CNST: variants seen among roughly 807,000 people sequenced by gnomAD.
CNST encodes the protein consortin.
A neutral mutation model predicts 72.4 loss-of-function variants in CNST; 39 were observed. The observed-to-expected ratio is 0.54, with a 90% confidence interval of 0.42 to 0.70. The LOEUF (loss-of-function observed/expected upper bound fraction) is 0.70. Among genes scored for constraint, CNST ranks in the 30% least tolerant of loss-of-function variants. The probability of loss-of-function intolerance (pLI) is 0.00; values close to 1 mark genes in which losing one functional copy is unlikely to be tolerated. For synonymous variants in CNST, 332 were observed against 320.1 expected (o/e 1.04, Z -0.40); for missense variants, 871 against 868.5 (o/e 1.00, Z -0.04).
At chr1:246,634,845 C>G (rs1303351144) in intron 6 of CNST, among the ~76,000 whole-genome samples, 9 of 152,136 alleles carry the variant, frequency 5.9e-5, no homozygotes, top group Non-Finnish European at 7.3e-5. Context: ...GCGTCAGCGC[C>G]ACGTGAGGAC....
At chr1:246,572,601 T>C (rs12060852) in intron 1 of CNST, among the ~76,000 whole-genome samples, 34,074 of 152,166 alleles carry the variant, frequency 0.22, 4,556 homozygotes, top group Admixed American at 0.31. Flanking sequence ...TCCTCCTGCC[T>C]TGACTTCCCA....
intron 9 of CNST, among the ~76,000 whole-genome samples, chr1:246,651,693 A>G (rs1488770897): frequency 6.6e-6 from 1 of 152,242 alleles, no homozygotes; most frequent in African/African-American, 2.4e-5. Flanking sequence ...GTAATTTGCT[A>G]TGTAAAGTGA....
intron 9 of CNST, among the ~76,000 whole-genome samples, chr1:246,649,537 T>C (rs1666334917): frequency 6.6e-6 from 1 of 152,168 alleles, no homozygotes; most frequent in African/African-American, 2.4e-5. Context: ...CTGACTGTCC[T>C]TTCTCATGCC....
chr1:246,595,901 C>T (rs1350592129), intron 2 of CNST, among the ~76,000 whole-genome samples: 2 of 152,150 alleles, frequency 1.3e-5, no homozygotes, highest in Non-Finnish European at 1.5e-5. Context: ...GGACTCTTGT[C>T]ACTAATAGTC....
chr1:246,633,835 A>G, intron 4 of CNST, 89 bp from the exon 5 acceptor site: 1 of 800,590 alleles, frequency 1.2e-6, no homozygotes, highest in Non-Finnish European at 2.1e-6. Context: ...TAAGCTGCAA[A>G]TTTCTCAACA....
At chr1:246,616,134 T>A (rs1259760158) in intron 2 of CNST, among the ~76,000 whole-genome samples, 1 of 152,220 alleles carries the variant, frequency 6.6e-6, no homozygotes. Flanking sequence ...GATTCATATG[T>A]GGCAGCAGAA....
intron 9 of CNST, among the ~76,000 whole-genome samples, chr1:246,649,395 T>C (rs564985825): frequency 6.6e-6 from 1 of 152,346 alleles, no homozygotes; most frequent in Non-Finnish European, 1.5e-5. Flanking sequence ...AAATTAGAGC[T>C]AATGGTATAG....
Position 246,647,581 on chromosome 1 carries a change from C to T in CNST, c.1380C>T (p.Leu460=). ...ATTCACAGGCTCAGAGGAAAGAACT[C>T]CGTTTGCCACTTCGGGATGCTTCTG... is the stretch of plus-strand genomic sequence containing the variant. ...GKYSQAQRKE[L]RLPLRDASEA... The change falls in exon 9 of 11, where the codon CTC becomes CTT. Residue 460 remains leucine, a synonymous_variant. Coordinates refer to ENST00000366513, the MANE Select transcript of CNST (RefSeq NM_152609.3). The T allele has an allele frequency of 2.5e-6, 4 of 1,614,182 alleles. No individual in the cohort carries two copies. Among genetic ancestry groups the T allele is most frequent in the Non-Finnish European group, 3.4e-6 (4 of 1,180,044 alleles).
intron 2 of CNST, among the ~76,000 whole-genome samples, chr1:246,594,585 C>T (rs1381384939): frequency 6.6e-6 from 1 of 152,048 alleles, no homozygotes; most frequent in Non-Finnish European, 1.5e-5. Flanking sequence ...GCCTGGCCAA[C>T]ATGGTGAAAC....
At position 246,580,990 on chromosome 1, in the gene CNST, T is replaced by C. The variant is rs150182523; in HGVS notation, c.-51-10522T>C. ...CTGACCTCAAGTGATCCCCCCACCT[T>C]GGCTTCCCAAAGTGCTGGGATTACA... On this transcript the variant is annotated intron_variant, in intron 1 of 10. Transcript: ENST00000366513. 4.4e-3 allele frequency among the ~76,000 whole-genome samples: 664 copies of C among 152,194 alleles called. 3 individuals are homozygous for C. The highest frequency in any genetic ancestry group is 0.015 in the African/African-American group (638 of 41,538).
chr1:246,570,950 C>T (rs1660032005), intron 1 of CNST, among the ~76,000 whole-genome samples: 1 of 152,038 alleles, frequency 6.6e-6, no homozygotes, highest in East Asian at 1.9e-4. Context: ...GTTATGTAAC[C>T]TTTCCAGTTT....
chr1:246,644,489 C>T (rs945612282), intron 8 of CNST, among the ~76,000 whole-genome samples: 15 of 151,972 alleles, frequency 9.9e-5, no homozygotes, highest in African/African-American at 3.6e-4. Flanking sequence ...TCACTGTACT[C>T]AAAGCTCTTC....
chr1:246,600,268 A>G (rs1026927498), intron 2 of CNST, among the ~76,000 whole-genome samples: 12 of 152,268 alleles, frequency 7.9e-5, no homozygotes, highest in African/African-American at 2.2e-4. Flanking sequence ...GTAGAGCAGT[A>G]GAGAGATGGA....
In CNST at chr1:246,647,596, G is replaced by A; in HGVS notation, c.1395G>A (p.Arg465=). 1.9e-6 allele frequency: 3 copies of A among 1,614,162 alleles called. No homozygotes were observed. The highest frequency in any genetic ancestry group is 2.5e-6 in the Non-Finnish European group (3 of 1,180,044). ...GGAAAGAACTCCGTTTGCCACTTCGGGATGCTTCTGAGGCGTTGCCCACAG... is the reference window on the plus strand; with the variant it reads ...GGAAAGAACTCCGTTTGCCACTTCGAGATGCTTCTGAGGCGTTGCCCACAG... The part of the protein sequence containing the change: ...AQRKELRLPL[R]DASEALPTDQ... The change falls in exon 9 of 11, where the codon CGG becomes CGA. Residue 465 remains arginine (R), a synonymous_variant. Coordinates refer to ENST00000366513, the MANE Select transcript of CNST (RefSeq NM_152609.3).
At chr1:246,570,071 AT>A in intron 1 of CNST, 1 of 218,174 alleles carries the variant, frequency 4.6e-6, no homozygotes, top group Non-Finnish European at 7.8e-6. Flanking sequence ...TTTGAGCAAA[AT>A]TTAGAAAGGA....
At chr1:246,600,102 C>T (rs949489227) in intron 2 of CNST, among the ~76,000 whole-genome samples, 2 of 152,112 alleles carry the variant, frequency 1.3e-5, no homozygotes, top group African/African-American at 2.4e-5. Flanking sequence ...AAAAGCAATG[C>T]GGACAAAGAG....
intron 10 of CNST, among the ~76,000 whole-genome samples, chr1:246,662,118 A>G (rs77908368): frequency 0.076 from 11,540 of 152,258 alleles, 1,119 homozygotes; most frequent in African/African-American, 0.22. Flanking sequence ...TCCCTATTGA[A>G]AAGCGTGTCA....
At chr1:246,662,446 T>A (rs1452624404) in intron 10 of CNST, among the ~76,000 whole-genome samples, 1 of 152,234 alleles carries the variant, frequency 6.6e-6, no homozygotes, top group African/African-American at 2.4e-5. Context: ...TGGAGTGCAG[T>A]GGTGCGATCT....
At chr1:246,653,701 T>C (rs1462112227) in intron 9 of CNST, among the ~76,000 whole-genome samples, 1 of 152,230 alleles carries the variant, frequency 6.6e-6, no homozygotes, top group African/African-American at 2.4e-5. Context: ...GCCATGTCTC[T>C]TGCGCAAAGC....
Sources: allele counts gnomAD v4.1 joint callset (sites outside exome capture counted in the v4.1 genomes callset), GRCh38; gene constraint gnomAD v4.1.1; transcripts MANE v1.5; gene names NCBI Gene and HGNC (gene_info 2026-07-23, HGNC 2026-07-21).